The following SRGAP1 variants were observed in gnomAD, a reference collection of about 807,000 sequenced individuals.
SRGAP1 encodes SLIT-ROBO Rho GTPase activating protein 1.
In SRGAP1, 43 loss-of-function variants were observed where a neutral mutation model predicts 121.9. The ratio of observed to expected loss-of-function variants is 0.35; its 90% CI spans 0.28 to 0.46. The LOEUF is 0.46. Ranked by LOEUF, SRGAP1 falls within the 20% of genes least tolerant of loss-of-function variation. The pLI, the probability that SRGAP1 is intolerant of heterozygous loss-of-function variation, is 1.00. For missense variants in SRGAP1, 1,102 were observed against 1,350.9 expected, an observed-to-expected ratio of 0.82 and a Z score of 2.89; for synonymous variants, 447 against 485.4, an observed-to-expected ratio of 0.92 and a Z score of 1.04.
Position 64,014,749 on chromosome 12 carries a change from A to T in SRGAP1, c.427-2201A>T, listed in dbSNP as rs140708677. 2.8e-3 allele frequency among the ~76,000 whole-genome samples: 401 copies of T among 141,982 alleles called. 2 individuals are homozygous for T. Among genetic ancestry groups the T allele is most frequent in the African/African-American group, 9.4e-3 (349 of 37,294 alleles). 93.1% of individuals were successfully genotyped at this position (141,982 alleles called of 152,430 possible). ...TTTCTTGGGTTAACGTTTCTTGAAC[A>T]TAAGGGAATTTGTTGTTGTTGTTGT... On this transcript the variant is annotated intron_variant, in intron 3 of 21. Transcript: ENST00000355086.
chr12:64,148,705 AAAT>A lies in SRGAP1; in HGVS notation c.*6034_*6036del, dbSNP rs2037087587. On this transcript the variant is annotated 3_prime_UTR_variant, in exon 22 of 22. Coordinates refer to ENST00000355086, the MANE Select transcript of SRGAP1 (RefSeq NM_020762.4). Reference sequence around the variant, plus strand: ...ATATTGATAAGATATAAAGTTTAAAAAATGACAGGCAAATCAAGGAAAAACACT... The same window carrying A: ...ATATTGATAAGATATAAAGTTTAAAAGACAGGCAAATCAAGGAAAAACACT... 1 of 152,244 alleles carries A rather than the reference AAAT, an allele frequency of 6.6e-6. No individual in the cohort carries two copies. Among genetic ancestry groups the A allele is most frequent in the Admixed American group, 6.5e-5 (1 of 15,288 alleles). The allele number at this position is 152,244 out of a possible 1,614,324, so 9.4% of individuals were successfully genotyped here.
chr12:64,123,709 G>A (rs754313591), intron 18 of SRGAP1, among the ~76,000 whole-genome samples: 2 of 151,254 alleles, frequency 1.3e-5, no homozygotes, highest in Non-Finnish European at 2.9e-5. Flanking sequence ...AGGCCTCACT[G>A]TGTTGTTCAG....
In SRGAP1 at chr12:64,094,950, C is replaced by A. The variant is rs2036125278; in HGVS notation, c.1558C>A (p.Pro520Thr). ...TACCCAGGACTCAGGACAGGTTATT[C>A]CCCTCATTGTGGAAAGCTGTATTCG... is the stretch of plus-strand genomic sequence containing the variant. The part of the protein sequence containing the change: ...TFVKDSGQVI[P>T]LIVESCIRFI... Residue 520 changes from proline to threonine, a missense_variant, in exon 13 of 22, where the codon CCC becomes ACC. This residue lies in a region of SRGAP1 where 747 missense variants were observed against 929.4 expected (regional missense o/e 0.80). Coordinates refer to ENST00000355086, the MANE Select transcript of SRGAP1 (RefSeq NM_020762.4). The A allele has an allele frequency of 6.2e-7, 1 of 1,613,988 alleles. No individual in the cohort carries two copies. The highest frequency in any genetic ancestry group is 1.3e-5 in the African/African-American group (1 of 74,942).
intron 1 of SRGAP1, among the ~76,000 whole-genome samples, chr12:63,859,761 G>A (rs761776953): frequency 6.6e-6 from 1 of 152,102 alleles, no homozygotes; most frequent in Non-Finnish European, 1.5e-5. Flanking sequence ...AGCATGAAAT[G>A]GAATACAATT....
At chr12:63,912,642 G>A (rs1217147576) in intron 1 of SRGAP1, among the ~76,000 whole-genome samples, 3 of 151,968 alleles carry the variant, frequency 2.0e-5, no homozygotes, top group African/African-American at 7.2e-5. Context: ...ATCAGCACTG[G>A]ATAGAGTACA....
At chr12:64,138,039 T>TATTC (rs2036887038) in intron 21 of SRGAP1, among the ~76,000 whole-genome samples, 1 of 151,640 alleles carries the variant, frequency 6.6e-6, no homozygotes, top group South Asian at 2.1e-4. Context: ...CAGAAAAGTA[T>TATTC]ATTCACATTG....
At chr12:64,039,252 G>A (rs1456441061) in intron 4 of SRGAP1, among the ~76,000 whole-genome samples, 2 of 152,292 alleles carry the variant, frequency 1.3e-5, no homozygotes, top group South Asian at 2.1e-4. Context: ...AATTACCACC[G>A]AACTAGGTAG....
intron 1 of SRGAP1, among the ~76,000 whole-genome samples, chr12:63,877,181 G>T (rs1297391252): frequency 6.6e-6 from 1 of 152,108 alleles, no homozygotes; most frequent in Non-Finnish European, 1.5e-5. Context: ...CCGAGATTGC[G>T]CCATTACACT....
Position 64,143,634 on chromosome 12 carries a change from C to G in SRGAP1, c.*962C>G, listed in dbSNP as rs1458809142. The stretch of plus-strand genomic sequence containing the variant: ...CAGTGTTCTCTTTTGACTAAATCAC[C>G]TAGGTTCCTTTAAACATGCTACAAA... On this transcript the variant is annotated 3_prime_UTR_variant, in exon 22 of 22. Coordinates refer to ENST00000355086, the MANE Select transcript of SRGAP1 (RefSeq NM_020762.4). The G allele has an allele frequency of 6.6e-6, 1 of 152,218 alleles. No homozygotes were observed. Among genetic ancestry groups the G allele is most frequent in the Non-Finnish European group, 1.5e-5 (1 of 68,132 alleles). 9.4% of individuals were successfully genotyped at this position (152,218 alleles called of 1,614,324 possible). A position where few individuals can be genotyped will look rare whatever the true frequency, so the allele number is the denominator to read the frequency against.
intron 1 of SRGAP1, among the ~76,000 whole-genome samples, chr12:63,858,180 T>TG (rs1462436983): frequency 8.7e-6 from 1 of 114,922 alleles, no homozygotes; most frequent in East Asian, 4.9e-4. Context: ...GTATTTTGTG[T>TG]GTGGTGTGTG....
At chr12:64,046,670 C>G (rs2035136809) in intron 6 of SRGAP1, among the ~76,000 whole-genome samples, 1 of 152,042 alleles carries the variant, frequency 6.6e-6, no homozygotes, top group African/African-American at 2.4e-5. Context: ...CAGGCTGAAG[C>G]GGGAGCAGTA....
chr12:64,008,141 A>G (rs1269752986), intron 3 of SRGAP1, among the ~76,000 whole-genome samples: 1 of 152,164 alleles, frequency 6.6e-6, no homozygotes, highest in Non-Finnish European at 1.5e-5. Context: ...ATATACTGTG[A>G]TCTTTCCCTA....
chr12:64,012,853 T>C (rs7971280), intron 3 of SRGAP1, among the ~76,000 whole-genome samples: 77,971 of 151,722 alleles, frequency 0.51, 21,597 homozygotes, highest in African/African-American at 0.72. Context: ...ACCCGGCCTG[T>C]TTTCAAATTT....
At chr12:64,037,120 G>T (rs781353936) in intron 4 of SRGAP1, among the ~76,000 whole-genome samples, 3 of 152,318 alleles carry the variant, frequency 2.0e-5, no homozygotes, top group Middle Eastern at 3.4e-3. Flanking sequence ...CATGGAGAAT[G>T]GGTCAAATGT....
At chr12:63,949,245 A>G (rs1045087855) in intron 1 of SRGAP1, among the ~76,000 whole-genome samples, 5 of 145,096 alleles carry the variant, frequency 3.4e-5, no homozygotes, top group Non-Finnish European at 6.0e-5. Flanking sequence ...ATAAGAGAAT[A>G]TATCTCTGGT....
At chr12:63,985,236 A>G (rs2033382751) in intron 2 of SRGAP1, among the ~76,000 whole-genome samples, 1 of 152,134 alleles carries the variant, frequency 6.6e-6, no homozygotes, top group Admixed American at 6.6e-5. Context: ...GAAGAGGAGG[A>G]TATTCCAGGC....
intron 10 of SRGAP1, chr12:64,081,458 A>AATT (rs1252797607): frequency 2.0e-5 from 3 of 150,538 alleles, no homozygotes; most frequent in African/African-American, 7.4e-5. Context: ...TGAAAAGGCC[A>AATT]ATTACACCTA....
Position 64,109,052 on chromosome 12 carries a change from G to C in SRGAP1, c.1919+15G>C. 6.7e-7 allele frequency: 1 copy of C among 1,485,144 alleles called. No homozygotes were observed. The highest frequency in any genetic ancestry group is 9.1e-7 in the Non-Finnish European group (1 of 1,094,112). 92.0% of individuals were successfully genotyped at this position (1,485,144 alleles called of 1,614,324 possible). The stretch of plus-strand genomic sequence containing the variant: ...TTCCTCAATCAGTAAGTACCTGAAT[G>C]CTCTGACAAAAGGCCCATCTGAATT... On this transcript the variant is annotated intron_variant, in intron 16 of 21. Coordinates refer to ENST00000355086, the MANE Select transcript of SRGAP1 (RefSeq NM_020762.4).
chr12:64,004,661 C>T (rs1030814528), intron 3 of SRGAP1, among the ~76,000 whole-genome samples: 8 of 152,108 alleles, frequency 5.3e-5, no homozygotes, highest in Non-Finnish European at 8.8e-5. Flanking sequence ...TGAGCCACCG[C>T]GCTCGGCCCA....
Sources: allele counts gnomAD v4.1 joint callset (sites outside exome capture counted in the v4.1 genomes callset), GRCh38; gene constraint gnomAD v4.1.1; regional missense constraint gnomAD v4.1.1; transcripts MANE v1.5; gene names NCBI Gene and HGNC (gene_info 2026-07-23, HGNC 2026-07-21).